CSMD3: variants seen among roughly 807,000 people sequenced by gnomAD.
CSMD3 encodes the protein CUB and Sushi multiple domains 3.
A neutral mutation model predicts 435.2 loss-of-function variants in CSMD3; 177 were observed. That is an observed-to-expected ratio of 0.41 (90% confidence interval 0.36 to 0.46). The LOEUF (loss-of-function observed/expected upper bound fraction) is 0.46, where lower values mean the gene tolerates loss of function less well. CSMD3 is among the 20% of genes least tolerant of loss of function. The probability of loss-of-function intolerance (pLI) is 0.34; values close to 1 mark genes in which losing one functional copy is unlikely to be tolerated. For synonymous variants in CSMD3, 1,656 were observed against 1,520.5 expected, an observed-to-expected ratio of 1.09 and a Z score of -2.07; for missense variants, 4,265 against 4,504.6, an observed-to-expected ratio of 0.95 and a Z score of 1.52.
chr8:112,889,066 T>A (rs2081700186), intron 10 of CSMD3, among the ~76,000 whole-genome samples: 3 of 151,648 alleles, frequency 2.0e-5, no homozygotes, highest in Admixed American at 1.3e-4. Context: ...AAAGCAAATC[T>A]CTGGTTTGCA....
chr8:112,632,972 T>C (rs1010876470), intron 22 of CSMD3, among the ~76,000 whole-genome samples: 2 of 151,942 alleles, frequency 1.3e-5, no homozygotes, highest in African/African-American at 2.4e-5. Flanking sequence ...ATTTTTTCTG[T>C]TTTTAAAGTT....
intron 24 of CSMD3, among the ~76,000 whole-genome samples, chr8:112,569,608 A>C (rs1829338330): frequency 6.6e-6 from 1 of 152,290 alleles, no homozygotes; most frequent in South Asian, 2.1e-4. Context: ...GACAATGGCA[A>C]GTGTTGCTAA....
intron 27 of CSMD3, among the ~76,000 whole-genome samples, chr8:112,546,182 G>A (rs984439345): frequency 5.3e-5 from 8 of 152,196 alleles, no homozygotes; most frequent in Admixed American, 4.6e-4. Context: ...AGTGAAGCTG[G>A]CAGGTAGGTT....
chr8:112,999,502 C>A (rs2085782994), intron 6 of CSMD3, among the ~76,000 whole-genome samples: 1 of 151,724 alleles, frequency 6.6e-6, no homozygotes, highest in Non-Finnish European at 1.5e-5. Context: ...ATGCAACAAG[C>A]TTTTTACTCA....
At chr8:112,936,322 C>T (rs1056599675) in intron 9 of CSMD3, among the ~76,000 whole-genome samples, 1 of 152,036 alleles carries the variant, frequency 6.6e-6, no homozygotes, top group Middle Eastern at 3.2e-3. Context: ...TGATCCATGT[C>T]ATTATATTAA....
intron 41 of CSMD3, among the ~76,000 whole-genome samples, chr8:112,342,968 G>GTTTTT (rs1554647488): frequency 1.2e-5 from 1 of 86,904 alleles, no homozygotes; most frequent in African/African-American, 3.7e-5. Context: ...CTCTTGAAAT[G>GTTTTT]TATTATATAT....
chr8:112,781,993 G>C (rs2078400286), intron 13 of CSMD3, among the ~76,000 whole-genome samples: 1 of 152,110 alleles, frequency 6.6e-6, no homozygotes, highest in African/African-American at 2.4e-5. Context: ...AGCCCAGACT[G>C]TGAAGATTGC....
chr8:113,303,094 A>G (rs1426944013), intron 2 of CSMD3, among the ~76,000 whole-genome samples: 1 of 139,952 alleles, frequency 7.1e-6, no homozygotes, highest in African/African-American at 2.7e-5. Context: ...TACAAAAATC[A>G]CAAGCATTCT....
chr8:112,234,121 A>T lies in CSMD3; in HGVS notation c.10740+244T>A, dbSNP rs141744814. 5.6e-3 allele frequency among the ~76,000 whole-genome samples: 848 copies of T among 150,314 alleles called. 10 individuals carry two copies. Among genetic ancestry groups the T allele is most frequent in the African/African-American group, 0.02 (795 of 40,738 alleles). On this transcript the variant is annotated intron_variant, in intron 68 of 70. Coordinates refer to ENST00000297405, the MANE Select transcript of CSMD3 (RefSeq NM_198123.2). ...CATACACACACCCACATCCACCCAT[A>T]CCCTCCCCCACACACACGTACACCC...
chr8:112,678,020 ACT>A (rs980656533), intron 16 of CSMD3, among the ~76,000 whole-genome samples: 22 of 152,158 alleles, frequency 1.4e-4, no homozygotes, highest in African/African-American at 5.3e-4. Flanking sequence ...TATTATTTAT[ACT>A]GTTTTTAAGC....
Position 112,636,808 on chromosome 8 carries a change from A to T in CSMD3, c.3715+9T>A. On this transcript the variant is annotated intron_variant, in intron 22 of 70. Coordinates refer to ENST00000297405, the MANE Select transcript of CSMD3 (RefSeq NM_198123.2). The stretch of plus-strand genomic sequence containing the variant: ...ACATACAAGCAAATGAAAGCAGCTG[A>T]CCACGTACCCACACACCTTGGCAGA... 1 of 1,611,734 alleles carries T rather than the reference A, an allele frequency of 6.2e-7. No homozygotes were observed. Among genetic ancestry groups the T allele is most frequent in the Admixed American group, 1.7e-5 (1 of 59,908 alleles).
chr8:113,153,121 GAA>G (rs1392552799), intron 4 of CSMD3, among the ~76,000 whole-genome samples: 1 of 89,224 alleles, frequency 1.1e-5, no homozygotes, highest in South Asian at 3.7e-4. Flanking sequence ...AAGAAAGAAA[GAA>G]AGAGAAAGAA....
At chr8:113,264,159 A>G (rs1588400737) in intron 3 of CSMD3, among the ~76,000 whole-genome samples, 1 of 151,360 alleles carries the variant, frequency 6.6e-6, no homozygotes, top group Non-Finnish European at 1.5e-5. Context: ...AAGTTTTGGG[A>G]AGGGGAAATT....
At chr8:113,182,498 C>T (rs17680534) in intron 3 of CSMD3, among the ~76,000 whole-genome samples, 14,517 of 150,380 alleles carry the variant, frequency 0.097, 902 homozygotes, top group Middle Eastern at 0.17. Flanking sequence ...AGGGTCAATG[C>T]TAAGCTGCTG....
intron 20 of CSMD3, among the ~76,000 whole-genome samples, chr8:112,641,694 T>C (rs2074832841): frequency 6.6e-6 from 1 of 151,890 alleles, no homozygotes; most frequent in Admixed American, 6.6e-5. Context: ...AAAACTTAGC[T>C]GAGTGTGGTG....
chr8:112,695,815 T>C (rs1039092398), intron 13 of CSMD3, among the ~76,000 whole-genome samples: 4 of 152,178 alleles, frequency 2.6e-5, no homozygotes, highest in African/African-American at 9.7e-5. Context: ...GATGACATGA[T>C]TGCATATTTA....
At chr8:112,554,882 A>T (rs1021431753) in intron 25 of CSMD3, among the ~76,000 whole-genome samples, 1 of 152,116 alleles carries the variant, frequency 6.6e-6, no homozygotes, top group African/African-American at 2.4e-5. Flanking sequence ...TCCTTATTTG[A>T]CTGAGGCTAA....
rs775431125 is a variant in CSMD3, at chr8:113,093,415, A to G, written c.917+5341T>C. ...CAAGAAAGAAAAGACATCCCAGTGAATAAGAATGAAGGATGTTCTGGAAAA... is the reference window on the plus strand; with the variant it reads ...CAAGAAAGAAAAGACATCCCAGTGAGTAAGAATGAAGGATGTTCTGGAAAA... On this transcript the variant is annotated intron_variant, in intron 5 of 70. Coordinates refer to ENST00000297405, the MANE Select transcript of CSMD3 (RefSeq NM_198123.2). Among the ~76,000 whole-genome samples the G allele has an allele frequency of 1.8e-4, 27 of 152,262 alleles. No homozygotes were observed. The South Asian group carries it at 2.5e-3, about 14-fold the overall frequency.
chr8:112,573,565 T>A lies in CSMD3; in HGVS notation c.3978A>T (p.Gln1326His), dbSNP rs1201501149. 6.2e-7 allele frequency: 1 copy of A among 1,613,406 alleles called. No individual in the cohort carries two copies. The highest frequency in any genetic ancestry group is 8.5e-7 in the Non-Finnish European group (1 of 1,179,544). The change falls in exon 24 of 71, where the codon CAA (glutamine) becomes CAT (histidine). Residue 1326 changes from glutamine to histidine, a missense_variant. This residue lies in a region of CSMD3 where 3,255 missense variants were observed against 3,380.2 expected (regional missense o/e 0.96). Coordinates refer to ENST00000297405, the MANE Select transcript of CSMD3 (RefSeq NM_198123.2). The stretch of plus-strand genomic sequence containing the variant: ...TATCGGAATTAAATTCTAGCCAGAG[T>A]TGATTTGAAGTACTACTAAGTGTCA... ...RGLTLSSTSN[Q>H]LWLEFNSDTE...
Sources: allele counts gnomAD v4.1 joint callset (sites outside exome capture counted in the v4.1 genomes callset), GRCh38; gene constraint gnomAD v4.1.1; regional missense constraint gnomAD v4.1.1; transcripts MANE v1.5; gene names NCBI Gene and HGNC (gene_info 2026-07-23, HGNC 2026-07-21).